The following GRM1 variants were observed in gnomAD, a reference collection of about 807,000 sequenced individuals.
GRM1 encodes glutamate metabotropic receptor 1.
Under a neutral mutation model 90.9 loss-of-function variants are expected in GRM1, and 33 were observed. That is an observed-to-expected ratio of 0.36 (90% CI 0.28 to 0.49). The LOEUF is 0.49. Among genes scored for constraint, GRM1 ranks in the 20% least tolerant of loss-of-function variants. The pLI, the probability that GRM1 is intolerant of heterozygous loss-of-function variation, is 0.99. For missense variants in GRM1, 1,190 were observed against 1,534.3 expected, an observed-to-expected ratio of 0.78 and a Z score of 3.75; for synonymous variants, 700 against 613.2, an observed-to-expected ratio of 1.14 and a Z score of -2.09.
intron 2 of GRM1, among the ~76,000 whole-genome samples, chr6:146,190,195 A>T (rs1339620607): frequency 1.3e-5 from 2 of 152,202 alleles, no homozygotes; most frequent in Admixed American, 6.5e-5. Flanking sequence ...GCACCAAAGA[A>T]CTTGACTCTA....
At position 146,383,675 on chromosome 6, in the gene GRM1, CAG is replaced by C. The variant is rs1361027928; in HGVS notation, c.1603-3214_1603-3213del. On this transcript the variant is annotated intron_variant, in intron 5 of 7. Coordinates refer to ENST00000282753, the MANE Select transcript of GRM1 (RefSeq NM_001278064.2). ...TTAATCTTTTTATGTAATTCTAAAA[CAG>C]TGGTATAAATGTCAACCTGATGTGC... Among the ~76,000 whole-genome samples, 5 of 152,150 alleles carry C rather than the reference CAG, an allele frequency of 3.3e-5. No homozygotes were observed. The South Asian group carries it at 8.3e-4, about 25-fold the overall frequency.
At chr6:146,276,055 A>T (rs1036306681) in intron 2 of GRM1, among the ~76,000 whole-genome samples, 1 of 152,178 alleles carries the variant, frequency 6.6e-6, no homozygotes, top group Non-Finnish European at 1.5e-5. Context: ...AAGCAATTTA[A>T]AAGTATTTTA....
At chr6:146,140,091 T>TTCTTTCTTTCTTTC (rs1776798522) in intron 1 of GRM1, among the ~76,000 whole-genome samples, 5 of 7,912 alleles carry the variant, frequency 6.3e-4, no homozygotes, top group Admixed American at 1.4e-3. Flanking sequence ...TCTTTCTTTA[T>TTCTTTCTTTCTTTC]TCTTTCTTTC....
At chr6:146,306,882 T>C (rs1452121541) in intron 3 of GRM1, among the ~76,000 whole-genome samples, 1 of 152,078 alleles carries the variant, frequency 6.6e-6, no homozygotes, top group Non-Finnish European at 1.5e-5. Flanking sequence ...AGAGGAAGAC[T>C]TCAGGAAAAA....
At chr6:146,128,125 A>G (rs1583041545) in intron 1 of GRM1, among the ~76,000 whole-genome samples, 1 of 151,998 alleles carries the variant, frequency 6.6e-6, no homozygotes, top group East Asian at 1.9e-4. Context: ...TACAGGAAAA[A>G]CCTGTAGCAC....
chr6:146,113,211 C>T (rs572858988), intron 1 of GRM1, among the ~76,000 whole-genome samples: 40 of 152,220 alleles, frequency 2.6e-4, no homozygotes, highest in Non-Finnish European at 1.3e-4. Context: ...GGCATGTCCT[C>T]GTGTTTCCTC....
chr6:146,029,613 G>T lies in GRM1; in HGVS notation c.96G>T (p.Ala32=), dbSNP rs1321801299. Reference sequence around the variant, plus strand: ...GCAGGAAAGTGTTGCTGGCAGGAGCGTCGTCTCAGCGCTCGGTGGCCAGAA... The same window carrying T: ...GCAGGAAAGTGTTGCTGGCAGGAGCTTCGTCTCAGCGCTCGGTGGCCAGAA... ...SPGRKVLLAG[A]SSQRSVARMD... is the part of the protein sequence containing the mutation. The change falls in exon 1 of 8, where the codon GCG becomes GCT. Residue 32 remains alanine, a synonymous_variant. Coordinates refer to ENST00000282753, the MANE Select transcript of GRM1 (RefSeq NM_001278064.2). 1 of 1,613,986 alleles carries T rather than the reference G, an allele frequency of 6.2e-7. No homozygotes were observed. The highest frequency in any genetic ancestry group is 1.3e-5 in the African/African-American group (1 of 74,900).
intron 7 of GRM1, among the ~76,000 whole-genome samples, chr6:146,400,485 C>A (rs1299050195): frequency 6.6e-6 from 1 of 152,064 alleles, no homozygotes; most frequent in African/African-American, 2.4e-5. Context: ...CAGATGAATT[C>A]CAGATGAATT....
chr6:146,213,179 G>T (rs1779738265), intron 2 of GRM1, among the ~76,000 whole-genome samples: 1 of 152,094 alleles, frequency 6.6e-6, no homozygotes, highest in Non-Finnish European at 1.5e-5. Context: ...AAGGGCAGGA[G>T]GAGAGGAAGC....
At chr6:146,168,136 A>G (rs1777976090) in intron 2 of GRM1, among the ~76,000 whole-genome samples, 1 of 152,014 alleles carries the variant, frequency 6.6e-6, no homozygotes, top group African/African-American at 2.4e-5. Flanking sequence ...TTTCTTCACT[A>G]AATTAACTTG....
chr6:146,050,091 G>A (rs1459049466), intron 1 of GRM1, among the ~76,000 whole-genome samples: 4 of 151,916 alleles, frequency 2.6e-5, no homozygotes, highest in African/African-American at 4.8e-5. Context: ...AGTGAGTAAG[G>A]AAAATGTAAA....
chr6:146,428,923 A>G (rs1470841315), intron 7 of GRM1, among the ~76,000 whole-genome samples: 3 of 152,164 alleles, frequency 2.0e-5, no homozygotes, highest in Non-Finnish European at 4.4e-5. Flanking sequence ...GGTGCCTTCT[A>G]TACTTTACTG....
At chr6:146,327,510 T>A (rs1784435597) in intron 3 of GRM1, among the ~76,000 whole-genome samples, 1 of 152,166 alleles carries the variant, frequency 6.6e-6, no homozygotes, top group African/African-American at 2.4e-5. Flanking sequence ...CTTTGTAGTG[T>A]CCTAAGCATT....
At chr6:146,333,539 C>T (rs957331199) in intron 3 of GRM1, among the ~76,000 whole-genome samples, 8 of 152,134 alleles carry the variant, frequency 5.3e-5, no homozygotes, top group Non-Finnish European at 8.8e-5. Flanking sequence ...AGCAAGTGAA[C>T]GGTGGCAGAG....
intron 2 of GRM1, among the ~76,000 whole-genome samples, chr6:146,274,904 C>T (rs1262407419): frequency 6.6e-6 from 1 of 152,076 alleles, no homozygotes. Flanking sequence ...ATGGTGGGCA[C>T]CTATAATCCC....
chr6:146,187,405 C>T (rs973864219), intron 2 of GRM1, among the ~76,000 whole-genome samples: 1 of 152,096 alleles, frequency 6.6e-6, no homozygotes, highest in Non-Finnish European at 1.5e-5. Flanking sequence ...ATTTATAACT[C>T]ATACCATATC....
At chr6:146,201,610 C>A (rs1779298551) in intron 2 of GRM1, among the ~76,000 whole-genome samples, 1 of 152,152 alleles carries the variant, frequency 6.6e-6, no homozygotes, top group African/African-American at 2.4e-5. Flanking sequence ...AATTACTTAC[C>A]AAAGGCCACA....
At chr6:146,174,591 A>T (rs1171288304) in intron 2 of GRM1, among the ~76,000 whole-genome samples, 1 of 152,194 alleles carries the variant, frequency 6.6e-6, no homozygotes, top group African/African-American at 2.4e-5. Flanking sequence ...CTATTGGAAA[A>T]TTTTATATTG....
chr6:146,242,931 G>A (rs1257654849), intron 2 of GRM1, among the ~76,000 whole-genome samples: 1 of 152,154 alleles, frequency 6.6e-6, no homozygotes, highest in African/African-American at 2.4e-5. Context: ...TATCTATGGA[G>A]AATACGTATG....
Sources: gnomAD v4.1 joint callset for allele counts (sites outside exome capture counted in the v4.1 genomes callset) on GRCh38, gnomAD v4.1.1 for gene constraint, MANE v1.5 for transcripts, NCBI Gene and HGNC (gene_info 2026-07-23, HGNC 2026-07-21) for gene names.